The following ST6GAL1 variants were observed in gnomAD, a reference collection of about 807,000 sequenced individuals.
The protein encoded by ST6GAL1 is ST6 beta-galactoside alpha-2,6-sialyltransferase 1.
In ST6GAL1, 20 loss-of-function variants were observed where a neutral mutation model predicts 38.0. The observed-to-expected ratio is 0.53, with a 90% CI of 0.37 to 0.77. The LOEUF is 0.77. ST6GAL1 is among the 30% of genes least tolerant of loss of function. ST6GAL1 has a pLI of 0.00. For synonymous variants in ST6GAL1, 196 were observed against 188.2 expected (o/e 1.04, Z -0.34); for missense variants, 432 against 496.4 (o/e 0.87, Z 1.23).
intron 2 of ST6GAL1, among the ~76,000 whole-genome samples, chr3:187,027,830 G>A (rs866025941): frequency 6.6e-6 from 1 of 152,050 alleles, no homozygotes; most frequent in African/African-American, 2.4e-5. Flanking sequence ...GCATAAAGTG[G>A]GGCAGAAGAG....
intron 5 of ST6GAL1, among the ~76,000 whole-genome samples, chr3:187,060,984 T>G (rs1302696730): frequency 6.6e-6 from 1 of 152,148 alleles, no homozygotes; most frequent in Non-Finnish European, 1.5e-5. Context: ...TACAGTACAA[T>G]AAAATATTGA....
chr3:187,072,549 G>C (rs768646102), intron 5 of ST6GAL1: 2 of 370,376 alleles, frequency 5.4e-6, no homozygotes, highest in Non-Finnish European at 1.0e-5. Flanking sequence ...TGTGACTCCA[G>C]GAGGCTGGGA....
rs566240192 is a variant in ST6GAL1 at position 187,019,939 on chromosome 3, A to G, written c.-182-18803A>G. Among the ~76,000 whole-genome samples, 73 of 152,372 alleles carry G rather than the reference A, an allele frequency of 4.8e-4. 1 individual carries two copies. The highest frequency in any genetic ancestry group is 1.6e-3 in the African/African-American group (67 of 41,596). On this transcript the variant is annotated intron_variant, in intron 2 of 7. Coordinates refer to ENST00000169298, the MANE Select transcript of ST6GAL1 (RefSeq NM_173216.2). ...GGTGTGATAAAGCAGAGAGGCTCGC[A>G]GTAGCCCTTGGAAGGGCCTGAGTAG...
chr3:186,964,356 G>C (rs1198039492), intron 2 of ST6GAL1: 4 of 152,198 alleles, frequency 2.6e-5, no homozygotes, highest in African/African-American at 9.7e-5. Context: ...ACATTATGCA[G>C]AGAGGTTATT....
chr3:186,956,677 A>G (rs559988013), intron 1 of ST6GAL1, among the ~76,000 whole-genome samples: 19 of 152,208 alleles, frequency 1.2e-4, no homozygotes, highest in South Asian at 6.2e-4. Context: ...GAAAAAGCCT[A>G]TAGATATTGA....
rs1719609009 is a variant in ST6GAL1, at chr3:187,077,686, A to T, written c.*1883A>T. The stretch of plus-strand genomic sequence containing the variant: ...AGGAAAGCACCTGTCCTGGCTCTGT[A>T]CCTGGCACGTAGTAGGTGCTCAGTT... On this transcript the variant is annotated 3_prime_UTR_variant, in exon 8 of 8. Transcript: ENST00000169298. The T allele has an allele frequency of 6.6e-6, 1 of 152,294 alleles. No individual in the cohort carries two copies. 9.4% of individuals were successfully genotyped at this position (152,294 alleles called of 1,614,324 possible). A position where few individuals can be genotyped will look rare whatever the true frequency, so the allele number is the denominator to read the frequency against.
intron 2 of ST6GAL1, among the ~76,000 whole-genome samples, chr3:186,965,196 C>T (rs1715063920): frequency 6.6e-6 from 1 of 152,164 alleles, no homozygotes; most frequent in African/African-American, 2.4e-5. Flanking sequence ...GGCACATTTC[C>T]TTCCCGGAAA....
intron 5 of ST6GAL1, among the ~76,000 whole-genome samples, chr3:187,066,349 C>T (rs1297228302): frequency 6.6e-6 from 1 of 152,090 alleles, no homozygotes; most frequent in African/African-American, 2.4e-5. Flanking sequence ...AAAGAGAGAG[C>T]TCTGCGGGTC....
chr3:186,931,858 T>A (rs1289375577), intron 1 of ST6GAL1, among the ~76,000 whole-genome samples: 2 of 152,222 alleles, frequency 1.3e-5, no homozygotes, highest in Admixed American at 6.5e-5. Flanking sequence ...CAGTTCTGAG[T>A]TTATTTGAAA....
At chr3:186,994,120 AAT>A (rs1560154919) in intron 2 of ST6GAL1, among the ~76,000 whole-genome samples, 1 of 152,154 alleles carries the variant, frequency 6.6e-6, no homozygotes, top group Non-Finnish European at 1.5e-5. Context: ...GGAGGAGAAA[AAT>A]ATGTCGATTC....
chr3:186,993,556 TTTTATTTATTTATTTATTTATTTATTTA>T (rs71167027), intron 2 of ST6GAL1, among the ~76,000 whole-genome samples: 5 of 88,166 alleles, frequency 5.7e-5, no homozygotes, highest in African/African-American at 1.0e-4. Context: ...CTTGACAGAG[TTTTATTTATTTATTTATTTATTTATTTA>T]TTTATTTATT....
intron 5 of ST6GAL1, among the ~76,000 whole-genome samples, chr3:187,054,856 T>G (rs1718638258): frequency 6.6e-6 from 1 of 152,206 alleles, no homozygotes; most frequent in African/African-American, 2.4e-5. Context: ...TTGATTGGAA[T>G]AGTTTCAGAA....
chr3:186,931,013 G>C (rs764001085), intron 1 of ST6GAL1, 179 bp downstream of exon 1: 1 of 152,872 alleles, frequency 6.5e-6, no homozygotes, highest in Middle Eastern at 3.4e-3. Context: ...CTTTTGGTTG[G>C]GGGTGTGTGC....
chr3:187,033,353 C>A lies in ST6GAL1; in HGVS notation c.-182-5389C>A, dbSNP rs144087895. Among the ~76,000 whole-genome samples, 1,195 of 149,644 alleles carry A rather than the reference C, an allele frequency of 8.0e-3. 18 individuals are homozygous for A. The highest frequency in any genetic ancestry group is 0.029 in the African/African-American group (1,147 of 39,650). On this transcript the variant is annotated intron_variant, in intron 2 of 7. Transcript: ENST00000169298. ...TCATGAACCTCGGGGGTGGAGCTTG[C>A]AGTGAGCCAAGATTGCACCACTTCT...
intron 5 of ST6GAL1, among the ~76,000 whole-genome samples, chr3:187,056,796 C>G (rs1012655665): frequency 2.0e-5 from 3 of 152,058 alleles, no homozygotes; most frequent in African/African-American, 7.3e-5. Flanking sequence ...TTGCTCTTCT[C>G]GAGGAGTATC....
At position 186,984,761 on chromosome 3, in the gene ST6GAL1, TC is replaced by T. The variant is rs1560150903; in HGVS notation, c.-183+20838del. Among the ~76,000 whole-genome samples, 169 of 51,020 alleles carry T rather than the reference TC, an allele frequency of 3.3e-3. 1 individual carries two copies. The highest frequency in any genetic ancestry group is 0.012 in the East Asian group (8 of 642). 33.5% of individuals were successfully genotyped at this position (51,020 alleles called of 152,430 possible). A position where few individuals can be genotyped will look rare whatever the true frequency, so the allele number is the denominator to read the frequency against. ...TTCCTTCCCTCCCTCCCTCCCTCCC[TC>T]CCTCCTTCCTTCCTTCCCTTCCTCC... On this transcript the variant is annotated intron_variant, in intron 2 of 7. Transcript: ENST00000169298.
At position 186,952,833 on chromosome 3, in the gene ST6GAL1, A is replaced by C. The variant is rs543294506; in HGVS notation, c.-324-10952A>C. On this transcript the variant is annotated intron_variant, in intron 1 of 7. Coordinates refer to ENST00000169298, the MANE Select transcript of ST6GAL1 (RefSeq NM_173216.2). This position sits in a 1 kb window ranked among gnomAD's most constrained non-coding sequence, Gnocchi z 4.1. ...CCTTAGACATCTAATATACATCTCA[A>C]ATATGACAAGCCCAAAATCGAACTG... Among the ~76,000 whole-genome samples, 1 of 152,178 alleles carries C rather than the reference A, an allele frequency of 6.6e-6. No individual in the cohort carries two copies. The highest frequency in any genetic ancestry group is 1.5e-5 in the Non-Finnish European group (1 of 68,028).
chr3:187,019,590 C>T (rs1392804915), intron 2 of ST6GAL1, among the ~76,000 whole-genome samples: 1 of 152,168 alleles, frequency 6.6e-6, no homozygotes, highest in Non-Finnish European at 1.5e-5. Context: ...CCAGCTATCC[C>T]TGATATGAGG....
At chr3:187,059,134 C>T (rs910109642) in intron 5 of ST6GAL1, among the ~76,000 whole-genome samples, 10 of 151,986 alleles carry the variant, frequency 6.6e-5, no homozygotes, top group African/African-American at 2.2e-4. Flanking sequence ...CGTTACACCA[C>T]TCCAAGAGTA....
Sources: allele counts gnomAD v4.1 joint callset (sites outside exome capture counted in the v4.1 genomes callset), GRCh38; gene constraint gnomAD v4.1.1; non-coding constraint Gnocchi (gnomAD v3.1); transcripts MANE v1.5; gene names NCBI Gene and HGNC (gene_info 2026-07-23, HGNC 2026-07-21).